SUPT20H: variants seen among roughly 807,000 people sequenced by gnomAD.
The protein encoded by SUPT20H is SPT20 homolog, SAGA complex component.
A neutral mutation model predicts 122.8 loss-of-function variants in SUPT20H; 82 were observed. That is an observed-to-expected ratio of 0.67 (90% CI 0.56 to 0.80). The LOEUF (loss-of-function observed/expected upper bound fraction) is 0.80, where lower values mean the gene tolerates loss of function less well. Among genes scored for constraint, SUPT20H ranks in the 30% least tolerant of loss-of-function variants. The probability of loss-of-function intolerance (pLI) is 0.00; values close to 1 mark genes in which losing one functional copy is unlikely to be tolerated. For missense variants in SUPT20H, 831 were observed against 921.6 expected, an observed-to-expected ratio of 0.90 and a Z score of 1.27; for synonymous variants, 291 against 313.0, an observed-to-expected ratio of 0.93 and a Z score of 0.74.
In SUPT20H at chr13:37,019,348, T is replaced by C. The variant is rs1385538569; in HGVS notation, c.1866A>G (p.Leu622=). The C allele has an allele frequency of 8.8e-6, 14 of 1,595,278 alleles. No homozygotes were observed. Among genetic ancestry groups the C allele is most frequent in the Non-Finnish European group, 1.1e-5 (13 of 1,173,338 alleles). The change falls in exon 22 of 26, where the codon CTA becomes CTG. Residue 622 remains leucine (L), a synonymous_variant. Transcript: ENST00000350612. ...KNTSSLRPLN[L]LQLPGGSLIF... Reference sequence around the variant, plus strand: ...AGCAGTATTTCAGGTTTACCTGGAGTAGATTTAAGGGCCTGAGACTTGAAG... The same window carrying C: ...AGCAGTATTTCAGGTTTACCTGGAGCAGATTTAAGGGCCTGAGACTTGAAG...
intron 23 of SUPT20H, among the ~76,000 whole-genome samples, chr13:37,015,060 A>G (rs1263716803): frequency 1.3e-5 from 2 of 152,156 alleles, no homozygotes; most frequent in East Asian, 1.9e-4. Flanking sequence ...GAGAACATTT[A>G]TAAGAAAACA....
At chr13:37,035,454 A>G (rs956162120) in intron 9 of SUPT20H, among the ~76,000 whole-genome samples, 5 of 152,142 alleles carry the variant, frequency 3.3e-5, no homozygotes, top group African/African-American at 1.2e-4. Context: ...TGAAGATGTG[A>G]CTGAACCACT....
intron 9 of SUPT20H, chr13:37,038,391 C>A (rs1298654171): frequency 6.6e-6 from 1 of 152,180 alleles, no homozygotes; most frequent in African/African-American, 2.4e-5. Context: ...ATATTATATT[C>A]TCTCCTTTAT....
At position 37,022,024 on chromosome 13, in the gene SUPT20H, C is replaced by T. The variant is rs1230656848; in HGVS notation, c.1648G>A (p.Val550Met). 1.9e-6 allele frequency: 3 copies of T among 1,605,126 alleles called. No homozygotes were observed. Among genetic ancestry groups the T allele is most frequent in the Non-Finnish European group, 2.6e-6 (3 of 1,173,674 alleles). The change falls in exon 20 of 26, where the codon GTG (valine) becomes ATG (methionine). Residue 550 changes from valine to methionine, a missense_variant. Val to Met is a conservative substitution (Grantham distance 21, BLOSUM62 1). Coordinates refer to ENST00000350612, the MANE Select transcript of SUPT20H (RefSeq NM_001014286.3). This position sits in a 1 kb window ranked among gnomAD's most constrained non-coding sequence, Gnocchi z 4.5. ...ATGCAAACTTACCAAACAGAGCCCA[C>T]TACATTGATGAAGTTAAGTCCAGCA... ...NSAGLNFINV[V>M]GSVCGAQALM...
At chr13:37,010,935 T>C (rs2138960810) in intron 24 of SUPT20H, 1 of 252,382 alleles carries the variant, frequency 4.0e-6, no homozygotes, top group East Asian at 7.0e-5. Context: ...AATTTGATAT[T>C]GATGCTATTT....
chr13:37,032,913 T>C (rs1030838374), intron 10 of SUPT20H, among the ~76,000 whole-genome samples: 3 of 152,162 alleles, frequency 2.0e-5, no homozygotes, highest in Non-Finnish European at 4.4e-5. Flanking sequence ...ACTATGATCA[T>C]ATTTTCTCAA....
rs1417200837 is a variant in SUPT20H, at chr13:37,026,140, C to T, written c.1211+64G>A. On this transcript the variant is annotated intron_variant, in intron 16 of 25. Coordinates refer to ENST00000350612, the MANE Select transcript of SUPT20H (RefSeq NM_001014286.3). ...GTTTTTAACTCCTAGTATTCTCTAT[C>T]CTATAAGGGTGAAAAATTTTTCATA... 4.5e-5 allele frequency: 61 copies of T among 1,368,230 alleles called. 1 individual carries two copies. Among genetic ancestry groups the T allele is most frequent in the Non-Finnish European group, 5.9e-5 (58 of 988,278 alleles). 84.8% of individuals were successfully genotyped at this position (1,368,230 alleles called of 1,614,324 possible).
intron 2 of SUPT20H, among the ~76,000 whole-genome samples, chr13:37,049,599 C>T (rs993840171): frequency 3.3e-5 from 5 of 151,986 alleles, no homozygotes; most frequent in Admixed American, 2.6e-4. Flanking sequence ...ATTAGCTGGG[C>T]GTGGTAGCAC....
At chr13:37,019,473 A>G (rs2139399119) in intron 21 of SUPT20H, 76 bp from the exon 22 acceptor site, 6 of 991,366 alleles carry the variant, frequency 6.1e-6, no homozygotes, top group Non-Finnish European at 7.3e-6. Flanking sequence ...TTTAGTATAT[A>G]TAAGTACAAT....
intron 1 of SUPT20H, among the ~76,000 whole-genome samples, chr13:37,054,313 A>C (rs2068436517): frequency 6.6e-6 from 1 of 152,252 alleles, no homozygotes; most frequent in East Asian, 1.9e-4. Context: ...GAGACACAAC[A>C]AAAAAAGAGA....
intron 16 of SUPT20H, 192 bp downstream of exon 16, chr13:37,026,012 G>A (rs1005546049): frequency 4.8e-6 from 2 of 416,784 alleles, no homozygotes; most frequent in Non-Finnish European, 8.6e-6. Context: ...TTTAAAGTTG[G>A]AAAGGACCTT....
At chr13:37,025,658 G>A (rs918781718) in intron 16 of SUPT20H, among the ~76,000 whole-genome samples, 2 of 152,148 alleles carry the variant, frequency 1.3e-5, no homozygotes, top group Admixed American at 1.3e-4. Context: ...ACAATCTAAA[G>A]ATATACTTTC....
intron 1 of SUPT20H, among the ~76,000 whole-genome samples, chr13:37,055,478 C>T (rs1323526414): frequency 6.6e-6 from 1 of 152,200 alleles, no homozygotes; most frequent in Non-Finnish European, 1.5e-5. Context: ...CTACAACCAT[C>T]TGATCTTTGA....
chr13:37,022,531 A>G lies in SUPT20H; in HGVS notation c.1592-451T>C. 8.1e-7 allele frequency: 1 copy of G among 1,228,464 alleles called. No individual in the cohort carries two copies. Among genetic ancestry groups the G allele is most frequent in the Non-Finnish European group, 1.0e-6 (1 of 985,792 alleles). 76.1% of individuals were successfully genotyped at this position (1,228,464 alleles called of 1,614,324 possible). The stretch of plus-strand genomic sequence containing the variant: ...CAGTATATCACCTAAAAATCCCATT[A>G]AAGATGCTATTGCAGTAACAGTAAA... On this transcript the variant is annotated intron_variant, in intron 19 of 25. Transcript: ENST00000350612. The surrounding 1 kb of genome is among the most constrained non-coding windows in gnomAD (Gnocchi z 4.5).
At chr13:37,059,333 C>T (rs934246602) in intron 1 of SUPT20H, 8 of 152,252 alleles carry the variant, frequency 5.3e-5, no homozygotes, top group Non-Finnish European at 1.0e-4. Context: ...AAAAGTCAAA[C>T]TAAAATTAAA....
chr13:37,051,869 T>A (rs1196770193), intron 1 of SUPT20H, among the ~76,000 whole-genome samples: 1 of 152,082 alleles, frequency 6.6e-6, no homozygotes, highest in East Asian at 1.9e-4. Flanking sequence ...AGAAAAAAAA[T>A]ACATTTTTTA....
Position 37,009,733 on chromosome 13 carries a change from T to C in SUPT20H, c.2279A>G (p.His760Arg). ...AQTAQLHHHR[H>R]TGSQSKSKMK... is the part of the protein sequence containing the mutation. Reference sequence around the variant, plus strand: ...TTTACTTTTTGACTGGCTGCCTGTATGCCGATGATGATGTAGCTGAGCTGT... The same window carrying C: ...TTTACTTTTTGACTGGCTGCCTGTACGCCGATGATGATGTAGCTGAGCTGT... The change falls in exon 26 of 26, where the codon CAT becomes CGT. Residue 760 changes from histidine (H) to arginine (R), a missense_variant. Coordinates refer to ENST00000350612, the MANE Select transcript of SUPT20H (RefSeq NM_001014286.3). 6.2e-7 allele frequency: 1 copy of C among 1,614,160 alleles called. No homozygotes were observed. Among genetic ancestry groups the C allele is most frequent in the Non-Finnish European group, 8.5e-7 (1 of 1,180,004 alleles).
chr13:37,031,575 C>G lies in SUPT20H; in HGVS notation c.913G>C (p.Glu305Gln). The change falls in exon 12 of 26, where the codon GAA becomes CAA. Residue 305 changes from glutamate to glutamine, a missense_variant. Glu to Gln is a conservative substitution (Grantham distance 29). Transcript: ENST00000350612. Reference protein sequence around the residue: ...RSPCNLAIPSEVDVEKYAKVE... With the variant: ...RSPCNLAIPSQVDVEKYAKVE... ...TTCATGAACTGACTTACATCTACTT[C>G]AGAAGGTATGGCCAAATTACAGGGA... The G allele has an allele frequency of 6.4e-7, 1 of 1,557,834 alleles. No homozygotes were observed.
At chr13:37,024,297 A>G (rs1162967334) in intron 18 of SUPT20H, 43 bp downstream of exon 18, 3 of 1,525,158 alleles carry the variant, frequency 2.0e-6, no homozygotes, top group Non-Finnish European at 2.6e-6. Flanking sequence ...TGATTATATA[A>G]TATTTGTTAT....
Sources: allele counts gnomAD v4.1 joint callset (sites outside exome capture counted in the v4.1 genomes callset), GRCh38; gene constraint gnomAD v4.1.1; non-coding constraint Gnocchi (gnomAD v3.1); transcripts MANE v1.5; gene names NCBI Gene and HGNC (gene_info 2026-07-23, HGNC 2026-07-21).